Variants in MTMR9 observed in about 807,000 individuals in gnomAD.
MTMR9 encodes myotubularin-related protein 9.
Under a neutral mutation model 69.5 loss-of-function variants are expected in MTMR9, and 39 were observed. The ratio of observed to expected loss-of-function variants is 0.56; its 90% CI spans 0.43 to 0.73. The LOEUF (loss-of-function observed/expected upper bound fraction) is 0.73, where lower values mean the gene tolerates loss of function less well. Among genes scored for constraint, MTMR9 ranks in the 30% least tolerant of loss-of-function variants. The pLI is 0.00. For missense variants in MTMR9, 900 were observed against 671.2 expected (o/e 1.34, Z -3.77); for synonymous variants, 354 against 240.8 (o/e 1.47, Z -4.35).
At chr8:11,330,439 C>G (rs577953057), downstream of MTMR9, among the ~76,000 whole-genome samples, 2 of 152,164 alleles carry the variant, frequency 1.3e-5, no homozygotes, top group Admixed American at 6.5e-5. Context: ...TCATTGAGAA[C>G]GGGCCATGAT....
rs1056466695 is a variant in MTMR9 at position 11,326,142 on chromosome 8, G to A, written c.*3354G>A. On this transcript the variant is annotated 3_prime_UTR_variant, in exon 10 of 10. Coordinates refer to ENST00000221086, the MANE Select transcript of MTMR9 (RefSeq NM_015458.4). Reference sequence around the variant, plus strand: ...ATTTAGTCTCCTCAAGTGAAAAACAGGAGTAATGTTTCGTTGCACTTTGAA... The same window carrying A: ...ATTTAGTCTCCTCAAGTGAAAAACAAGAGTAATGTTTCGTTGCACTTTGAA... 2 of 152,206 alleles carry A rather than the reference G, an allele frequency of 1.3e-5. No individual in the cohort carries two copies. The highest frequency in any genetic ancestry group is 4.8e-5 in the African/African-American group (2 of 41,454). The allele number at this position is 152,206 out of a possible 1,614,324, so 9.4% of individuals were successfully genotyped here.
At chr8:11,333,872 A>C in the MTMR9 span, among the ~76,000 whole-genome samples, 2 of 152,216 alleles carry the variant, frequency 1.3e-5, no homozygotes, top group African/African-American at 2.4e-5. Flanking sequence ...TTTAATTGCC[A>C]TTGTGATGGT....
At chr8:11,331,081 G>A (rs1380280677), downstream of MTMR9, 1 of 1,572,838 alleles carries the variant, frequency 6.4e-7, no homozygotes, top group African/African-American at 1.4e-5. Flanking sequence ...CCTGAGCCAG[G>A]AGGAGAGGAG....
intron 1 of MTMR9, among the ~76,000 whole-genome samples, chr8:11,294,252 C>G (rs796809863): frequency 4.6e-5 from 7 of 152,086 alleles, no homozygotes; most frequent in African/African-American, 1.4e-4. Flanking sequence ...TAGTTATAAC[C>G]TTGAGTGCAA....
chr8:11,330,811 C>A (rs1413807726), downstream of MTMR9: 1 of 483,992 alleles, frequency 2.1e-6, no homozygotes, highest in South Asian at 3.0e-5. Flanking sequence ...CCTAGGAAAA[C>A]CAGAGACCTT....
chr8:11,298,434 T>C (rs757142898), intron 2 of MTMR9, among the ~76,000 whole-genome samples: 31 of 152,140 alleles, frequency 2.0e-4, no homozygotes, highest in Non-Finnish European at 3.5e-4. Flanking sequence ...CATGCTTCTC[T>C]ATATTTTGTT....
chr8:11,326,078 TAAATA>T lies in MTMR9; in HGVS notation c.*3294_*3298del, dbSNP rs1358549959. 1 of 152,166 alleles carries T rather than the reference TAAATA, an allele frequency of 6.6e-6. No individual in the cohort carries two copies. Among genetic ancestry groups the T allele is most frequent in the Non-Finnish European group, 1.5e-5 (1 of 68,034 alleles). The allele number at this position is 152,166 out of a possible 1,614,324, so 9.4% of individuals were successfully genotyped here. ...GATTCAGTCAGTATTTGGTTTATGT[TAAATA>T]AAAAATCAGTATCATGGAAAAGATA... On this transcript the variant is annotated 3_prime_UTR_variant, in exon 10 of 10. Transcript: ENST00000221086.
At position 11,322,531 on chromosome 8, in the gene MTMR9, G is replaced by C. The variant is rs1198678100; in HGVS notation, c.1487-94G>C. On this transcript the variant is annotated intron_variant, in intron 9 of 9. Transcript: ENST00000221086. ...TTGTGGCAACAAAAGAAAAAAGAAT[G>C]TATAATACATAAATTACATCTTATC... 3 of 1,037,566 alleles carry C rather than the reference G, an allele frequency of 2.9e-6. No individual in the cohort carries two copies. In the African/African-American group the frequency reaches 4.9e-5, roughly 17 times the overall value. The allele number at this position is 1,037,566 out of a possible 1,614,324, so 64.3% of individuals were successfully genotyped here.
intron 1 of MTMR9, among the ~76,000 whole-genome samples, chr8:11,289,435 T>C (rs920474288): frequency 6.6e-6 from 1 of 152,214 alleles, no homozygotes; most frequent in Non-Finnish European, 1.5e-5. Flanking sequence ...CATCATTTTA[T>C]TTGATCCTTT....
intron 5 of MTMR9, among the ~76,000 whole-genome samples, chr8:11,308,674 C>T (rs958763030): frequency 6.6e-6 from 1 of 152,172 alleles, no homozygotes; most frequent in South Asian, 2.1e-4. Context: ...CCTTGTATTT[C>T]TGTGATATCA....
chr8:11,315,944 T>C (rs1347429528), intron 7 of MTMR9: 2 of 152,220 alleles, frequency 1.3e-5, no homozygotes, highest in Non-Finnish European at 2.9e-5. Flanking sequence ...CATACAGTAG[T>C]AGAAGGACCC....
At chr8:11,309,819 C>T in intron 6 of MTMR9, 131 bp downstream of exon 6, 1 of 886,562 alleles carries the variant, frequency 1.1e-6, no homozygotes, top group Non-Finnish European at 1.7e-6. Context: ...CAACACCATC[C>T]CATTATTGAT....
At position 11,287,833 on chromosome 8, in the gene MTMR9, CATT is replaced by C. The variant is rs1284910599; in HGVS notation, c.182+2766_182+2768del. ...AATACATATAATATATAATATATAA[CATT>C]ATATATTTTATTATATATGTTATAT... On this transcript the variant is annotated intron_variant, in intron 1 of 9. Transcript: ENST00000221086. Among the ~76,000 whole-genome samples, 1,023 of 116,080 alleles carry C rather than the reference CATT, an allele frequency of 8.8e-3. 5 individuals carry two copies. The highest frequency in any genetic ancestry group is 0.022 in the African/African-American group (628 of 28,768). The allele number at this position is 116,080 out of a possible 152,430, so 76.2% of individuals were successfully genotyped here.
At chr8:11,301,548 C>T (rs1259745181) in intron 3 of MTMR9, among the ~76,000 whole-genome samples, 1 of 152,172 alleles carries the variant, frequency 6.6e-6, no homozygotes, top group Non-Finnish European at 1.5e-5. Flanking sequence ...AACTATCAAA[C>T]CTCTTTAAGA....
chr8:11,331,062 C>T (rs746767597), downstream of MTMR9: 6 of 1,554,356 alleles, frequency 3.9e-6, no homozygotes, highest in Admixed American at 5.8e-5. Flanking sequence ...CTCTGAGGGG[C>T]CCAGGCTCCC....
chr8:11,293,461 G>C (rs930597412), intron 1 of MTMR9, among the ~76,000 whole-genome samples: 34 of 152,172 alleles, frequency 2.2e-4, no homozygotes, highest in African/African-American at 7.7e-4. Flanking sequence ...AGTGTAGCCT[G>C]TTGATGAAGT....
At chr8:11,315,689 C>T (rs886876814) in intron 7 of MTMR9, among the ~76,000 whole-genome samples, 1 of 152,206 alleles carries the variant, frequency 6.6e-6, no homozygotes, top group Non-Finnish European at 1.5e-5. Flanking sequence ...TTACAATTCG[C>T]ATTTATCATG....
At chr8:11,317,005 TA>T in intron 8 of MTMR9, 112 bp downstream of exon 8, 1 of 607,740 alleles carries the variant, frequency 1.6e-6, no homozygotes. Context: ...AAATTATTTA[TA>T]AAAAGGTAGA....
At chr8:11,329,132 A>G (rs987310894), downstream of MTMR9, among the ~76,000 whole-genome samples, 2 of 152,156 alleles carry the variant, frequency 1.3e-5, no homozygotes, top group Admixed American at 6.5e-5. Context: ...CCATTGGTGT[A>G]TATGTCTGTG....
Sources: allele counts gnomAD v4.1 joint callset (sites outside exome capture counted in the v4.1 genomes callset), GRCh38; gene constraint gnomAD v4.1.1; transcripts MANE v1.5; gene names NCBI Gene and HGNC (gene_info 2026-07-23, HGNC 2026-07-21).